The following GREM2 variants were observed in gnomAD, a reference collection of about 807,000 sequenced individuals.
GREM2 encodes gremlin-2.
Under a neutral mutation model 14.2 loss-of-function variants are expected in GREM2, and 11 were observed. The ratio of observed to expected loss-of-function variants is 0.78; its 90% CI spans 0.49 to 1.28. The LOEUF (loss-of-function observed/expected upper bound fraction) is 1.28, where lower values mean the gene tolerates loss of function less well. Ranked by LOEUF, GREM2 falls within the 50% of genes most tolerant of loss-of-function variation. GREM2 has a pLI of 0.00. For synonymous variants in GREM2, 98 were observed against 97.6 expected, an observed-to-expected ratio of 1.00 and a Z score of -0.02; for missense variants, 210 against 218.5, an observed-to-expected ratio of 0.96 and a Z score of 0.24.
At chr1:240,513,669 A>C (rs1010116151) in intron 1 of GREM2, among the ~76,000 whole-genome samples, 7 of 151,960 alleles carry the variant, frequency 4.6e-5, no homozygotes, top group Admixed American at 4.6e-4. Context: ...AGATGGGGAT[A>C]CGGCAGATGG....
chr1:240,590,910 T>C (rs1379723971), intron 1 of GREM2, among the ~76,000 whole-genome samples: 1 of 152,000 alleles, frequency 6.6e-6, no homozygotes, highest in East Asian at 1.9e-4. Flanking sequence ...CTCAGCCTCC[T>C]GAGTGGGATT....
At position 240,543,164 on chromosome 1, in the gene GREM2, G is replaced by A. The variant is rs550312813; in HGVS notation, c.-1-49688C>T. On this transcript the variant is annotated intron_variant, in intron 1 of 1. Transcript: ENST00000318160. The surrounding 1 kb of genome is among the most constrained non-coding windows in gnomAD (Gnocchi z 6.4). ...CCCATCAGATTGTGGATCACCTAAGGCTAGGGCCAGGCTTGCTTCACTGAA... is the reference window on the plus strand; with the variant it reads ...CCCATCAGATTGTGGATCACCTAAGACTAGGGCCAGGCTTGCTTCACTGAA... 1.3e-5 allele frequency among the ~76,000 whole-genome samples: 2 copies of A among 152,304 alleles called. No individual in the cohort carries two copies. Among genetic ancestry groups the A allele is most frequent in the South Asian group, 4.1e-4 (2 of 4,824 alleles).
chr1:240,493,839 C>CG (rs1677336269), intron 1 of GREM2, among the ~76,000 whole-genome samples: 1 of 152,166 alleles, frequency 6.6e-6, no homozygotes, highest in African/African-American at 2.4e-5. Context: ...TAATGCTGTA[C>CG]GGTTTTACTA....
intron 1 of GREM2, among the ~76,000 whole-genome samples, chr1:240,587,035 G>A (rs1271625663): frequency 2.6e-5 from 4 of 152,040 alleles, no homozygotes; most frequent in Admixed American, 6.6e-5. Context: ...TTACCCTCTC[G>A]AAGGCTTTAT....
chr1:240,521,334 C>T (rs1356349742), intron 1 of GREM2, among the ~76,000 whole-genome samples: 3 of 152,072 alleles, frequency 2.0e-5, no homozygotes, highest in Non-Finnish European at 2.9e-5. Context: ...TTTAGCAGGC[C>T]GAAGTGGGCG....
chr1:240,495,058 C>T (rs546266083), intron 1 of GREM2, among the ~76,000 whole-genome samples: 4 of 152,318 alleles, frequency 2.6e-5, no homozygotes, highest in East Asian at 1.9e-4. Context: ...CTATCTAAAA[C>T]GTGGCTTGCA....
intron 1 of GREM2, among the ~76,000 whole-genome samples, chr1:240,553,811 C>T (rs1307301920): frequency 1.3e-5 from 2 of 152,132 alleles, no homozygotes; most frequent in Admixed American, 6.5e-5. Context: ...CATAAAGTTC[C>T]ATGGAAAATA....
At position 240,522,422 on chromosome 1, in the gene GREM2, A is replaced by C. The variant is rs116456556; in HGVS notation, c.-1-28946T>G. Among the ~76,000 whole-genome samples, 276 of 152,258 alleles carry C rather than the reference A, an allele frequency of 1.8e-3. 1 individual carries two copies. The highest frequency in any genetic ancestry group is 6.2e-3 in the African/African-American group (258 of 41,552). ...GGTAATTAAGACAGAGAAGAGATTT[A>C]ATGGTAAATACAATTTTACCACCAA... On this transcript the variant is annotated intron_variant, in intron 1 of 1. Transcript: ENST00000318160.
chr1:240,545,598 G>A (rs561354521), intron 1 of GREM2, among the ~76,000 whole-genome samples: 5 of 152,280 alleles, frequency 3.3e-5, no homozygotes, highest in African/African-American at 4.8e-5. Context: ...ATGGGGTATC[G>A]TCTTGTGGGA....
intron 1 of GREM2, among the ~76,000 whole-genome samples, chr1:240,537,785 A>AAAC: frequency 6.6e-6 from 1 of 151,410 alleles, no homozygotes; most frequent in African/African-American, 2.4e-5. Context: ...CTCTGTCTCA[A>AAAC]AAACAAACAA....
At chr1:240,504,024 C>T (rs912209016) in intron 1 of GREM2, among the ~76,000 whole-genome samples, 2 of 152,178 alleles carry the variant, frequency 1.3e-5, no homozygotes, top group Non-Finnish European at 2.9e-5. Context: ...ATAGATGTGA[C>T]ATTTTTTCTA....
At chr1:240,501,448 A>G (rs1046655989) in intron 1 of GREM2, among the ~76,000 whole-genome samples, 1 of 152,244 alleles carries the variant, frequency 6.6e-6, no homozygotes, top group Non-Finnish European at 1.5e-5. Flanking sequence ...AAATGATACT[A>G]TCATTACTTA....
chr1:240,569,659 A>T (rs1270864203), intron 1 of GREM2, among the ~76,000 whole-genome samples: 1 of 152,216 alleles, frequency 6.6e-6, no homozygotes, highest in Non-Finnish European at 1.5e-5. Context: ...GGAAAAAAAT[A>T]TGAACTTTGA....
intron 1 of GREM2, among the ~76,000 whole-genome samples, chr1:240,568,674 C>G (rs1409165574): frequency 2.6e-5 from 4 of 152,074 alleles, no homozygotes; most frequent in Admixed American, 2.6e-4. Context: ...AGAGAGGCAC[C>G]TAGCCTTTCT....
chr1:240,562,959 TGA>T lies in GREM2; in HGVS notation c.-2+48923_-2+48924del, dbSNP rs765175809. Among the ~76,000 whole-genome samples, 252 of 116,300 alleles carry T rather than the reference TGA, an allele frequency of 2.2e-3. 1 individual carries two copies. The highest frequency in any genetic ancestry group is 8.7e-3 in the South Asian group (36 of 4,128). 76.3% of individuals were successfully genotyped at this position (116,300 alleles called of 152,430 possible). A position where few individuals can be genotyped will look rare whatever the true frequency, so the allele number is the denominator to read the frequency against. On this transcript the variant is annotated intron_variant, in intron 1 of 1. Transcript: ENST00000318160. Reference sequence around the variant, plus strand: ...GTGAGTGTGTGAGTGTGTATGTGTGTGAGTGTGTGTATGTGTGTATATGTAAG... The same window carrying T: ...GTGAGTGTGTGAGTGTGTATGTGTGTGTGTGTGTATGTGTGTATATGTAAG...
At chr1:240,513,825 A>C (rs1256121011) in intron 1 of GREM2, among the ~76,000 whole-genome samples, 1 of 152,130 alleles carries the variant, frequency 6.6e-6, no homozygotes, top group Non-Finnish European at 1.5e-5. Context: ...TTATAGAGAA[A>C]GGTATATTGG....
chr1:240,595,332 A>G (rs1679799803), intron 1 of GREM2, among the ~76,000 whole-genome samples: 2 of 152,274 alleles, frequency 1.3e-5, no homozygotes, highest in Admixed American at 1.3e-4. Context: ...CTCAGTCTCA[A>G]AAAGAAAGTG....
intron 1 of GREM2, among the ~76,000 whole-genome samples, chr1:240,567,999 C>T (rs1202049865): frequency 2.6e-5 from 4 of 152,070 alleles, no homozygotes; most frequent in Non-Finnish European, 5.9e-5. Context: ...ATCCCAGCTA[C>T]TTGGCAGGCT....
intron 1 of GREM2, among the ~76,000 whole-genome samples, chr1:240,505,335 G>A (rs9287250): frequency 0.39 from 59,628 of 151,886 alleles, 12,239 homozygotes; most frequent in African/African-American, 0.5. Flanking sequence ...AATACAGTAT[G>A]TATTGCATAT....
Sources: gnomAD v4.1 joint callset for allele counts (sites outside exome capture counted in the v4.1 genomes callset) on GRCh38, gnomAD v4.1.1 for gene constraint, Gnocchi (gnomAD v3.1) non-coding constraint, MANE v1.5 for transcripts, NCBI Gene and HGNC (gene_info 2026-07-23, HGNC 2026-07-21) for gene names.